The following ZNF665 variants were observed in gnomAD, a reference collection of about 807,000 sequenced individuals.
ZNF665 encodes zinc finger protein 665.
ZNF665 carries 6 observed loss-of-function variants against 7.9 expected under a neutral mutation model. The observed-to-expected ratio is 0.76, with a 90% CI of 0.42 to 1.50. The LOEUF is 1.50. Among genes scored for constraint, ZNF665 ranks in the 40% most tolerant of loss-of-function variants. The pLI, the probability that ZNF665 is intolerant of heterozygous loss-of-function variation, is 0.01. For synonymous variants in ZNF665, 242 were observed against 274.5 expected (o/e 0.88, Z 1.17); for missense variants, 819 against 806.7 (o/e 1.02, Z -0.18).
chr19:53,164,668 T>C lies in ZNF665; in HGVS notation c.1822A>G (p.Thr608Ala), dbSNP rs2090591356. 3.1e-6 allele frequency: 5 copies of C among 1,612,688 alleles called. No homozygotes were observed. The highest frequency in any genetic ancestry group is 4.2e-6 in the Non-Finnish European group (5 of 1,178,912). Residue 608 changes from threonine to alanine, a missense_variant, in exon 4 of 4, where the codon ACT becomes GCT. Physicochemically the swap from Thr to Ala is moderately conservative, Grantham distance 58 (BLOSUM62 0). Coordinates refer to ENST00000396424, the MANE Select transcript of ZNF665 (RefSeq NM_024733.5). ...YKCNECGKVF[T>A]QNSHLANHRR... Reference sequence around the variant, plus strand: ...TGATTTGCAAGATGTGAATTTTGAGTGAAGACCTTGCCACATTCATTACAT... The same window carrying C: ...TGATTTGCAAGATGTGAATTTTGAGCGAAGACCTTGCCACATTCATTACAT...
At chr19:53,167,828 G>A (rs570051569) in intron 3 of ZNF665, among the ~76,000 whole-genome samples, 16 of 148,304 alleles carry the variant, frequency 1.1e-4, no homozygotes, top group African/African-American at 3.2e-4. Flanking sequence ...AGGCCGAGGC[G>A]GGTGGATCAC....
chr19:53,184,400 G>A (rs1568666219), intron 1 of ZNF665, among the ~76,000 whole-genome samples: 1 of 152,212 alleles, frequency 6.6e-6, no homozygotes, highest in South Asian at 2.1e-4. Context: ...GAAGTACAGG[G>A]TGGCCCCCAT....
chr19:53,173,372 C>CT (rs34425717), intron 3 of ZNF665, among the ~76,000 whole-genome samples: 18,551 of 78,960 alleles, frequency 0.23, 3,383 homozygotes, highest in African/African-American at 0.43. Context: ...TTTTTTCACT[C>CT]TTTTTTTTTT....
At chr19:53,191,963 G>GT (rs754647685) in intron 1 of ZNF665, 1 of 152,064 alleles carries the variant, frequency 6.6e-6, no homozygotes, top group Non-Finnish European at 1.5e-5. Context: ...TCCTTCCTGT[G>GT]TGTTTCCCTC....
intron 1 of ZNF665, among the ~76,000 whole-genome samples, chr19:53,183,822 G>A (rs777317635): frequency 2.8e-4 from 42 of 152,150 alleles, no homozygotes; most frequent in Non-Finnish European, 5.7e-4. Flanking sequence ...TGGGGACCCC[G>A]GAAAAGGAAA....
At chr19:53,171,524 A>ATATATTTTTTTT (rs372855271) in intron 3 of ZNF665, among the ~76,000 whole-genome samples, 7 of 69,324 alleles carry the variant, frequency 1.0e-4, no homozygotes, top group East Asian at 6.5e-4. Flanking sequence ...ATATATATAT[A>ATATATTTTTTTT]TTTTTTTTTT....
At chr19:53,168,793 G>A (rs563902091) in intron 3 of ZNF665, among the ~76,000 whole-genome samples, 15 of 152,186 alleles carry the variant, frequency 9.9e-5, no homozygotes, top group Non-Finnish European at 1.3e-4. Context: ...ATAGACTCAC[G>A]TTATATAGAC....
chr19:53,175,482 G>C lies in ZNF665; in HGVS notation c.105C>G (p.Asp35Glu), dbSNP rs143559625. ...GGTTCCTATAATTCTCCAACATGAC[G>C]TCCCTGTACAAAGTCTTCTGAGCAG... ...LDPAQKTLYR[D>E]VMLENYRNLV... Residue 35 changes from aspartate to glutamate, a missense_variant, in exon 3 of 4, where the codon GAC becomes GAG. Asp to Glu is a conservative substitution (Grantham distance 45). Transcript: ENST00000396424. 2 of 1,612,578 alleles carry C rather than the reference G, an allele frequency of 1.2e-6. No homozygotes were observed. The highest frequency in any genetic ancestry group is 1.7e-5 in the Admixed American group (1 of 59,578).
chr19:53,171,524 A>ATTTT (rs1215685651), intron 3 of ZNF665, among the ~76,000 whole-genome samples: 111 of 69,324 alleles, frequency 1.6e-3, no homozygotes, highest in African/African-American at 2.1e-3. Flanking sequence ...ATATATATAT[A>ATTTT]TTTTTTTTTT....
At chr19:53,167,951 G>A (rs575206146) in intron 3 of ZNF665, among the ~76,000 whole-genome samples, 1 of 147,548 alleles carries the variant, frequency 6.8e-6, no homozygotes, top group African/African-American at 2.5e-5. Context: ...AGCTACTCGG[G>A]AGGCTGAGGC....
chr19:53,185,666 C>A (rs1353927213), intron 1 of ZNF665, among the ~76,000 whole-genome samples: 10 of 152,014 alleles, frequency 6.6e-5, no homozygotes, highest in Non-Finnish European at 1.5e-4. Context: ...AGGGAGTAAG[C>A]CGTGCATAGT....
At chr19:53,175,151 T>G (rs1182794043) in intron 3 of ZNF665, among the ~76,000 whole-genome samples, 4 of 152,042 alleles carry the variant, frequency 2.6e-5, no homozygotes, top group Non-Finnish European at 5.9e-5. Context: ...CTAGCTTTCT[T>G]CCATGAACCA....
chr19:53,174,894 G>T (rs994341719), intron 3 of ZNF665, among the ~76,000 whole-genome samples: 14 of 147,728 alleles, frequency 9.5e-5, no homozygotes, highest in African/African-American at 3.5e-4. Flanking sequence ...GCAGTGATCC[G>T]AGATCGTGCC....
chr19:53,189,792 C>T (rs9630863), intron 1 of ZNF665, among the ~76,000 whole-genome samples: 61,011 of 149,520 alleles, frequency 0.41, 12,959 homozygotes, highest in South Asian at 0.48. Context: ...AGACTCCCTT[C>T]CCCAGTCTGC....
intron 2 of ZNF665, 69 bp from the exon 3 acceptor site, chr19:53,175,640 A>G (rs1032780683): frequency 4.4e-5 from 67 of 1,529,412 alleles, no homozygotes; most frequent in Admixed American, 1.0e-4. Context: ...AAACAAGAAG[A>G]GGAGAGAGCT....
At chr19:53,171,522 A>ATTTTT (rs1271373888) in intron 3 of ZNF665, among the ~76,000 whole-genome samples, 14 of 75,382 alleles carry the variant, frequency 1.9e-4, no homozygotes, top group African/African-American at 4.8e-4. Flanking sequence ...ATATATATAT[A>ATTTTT]TATTTTTTTT....
chr19:53,169,537 T>C (rs1171328144), intron 3 of ZNF665, among the ~76,000 whole-genome samples: 1 of 152,162 alleles, frequency 6.6e-6, no homozygotes, highest in Non-Finnish European at 1.5e-5. Flanking sequence ...TCTTTTTTTA[T>C]TATTATTACT....
chr19:53,177,025 C>T (rs892762388), intron 2 of ZNF665, among the ~76,000 whole-genome samples: 1 of 151,994 alleles, frequency 6.6e-6, no homozygotes, highest in Non-Finnish European at 1.5e-5. Flanking sequence ...AAGCTGAAGC[C>T]GGAGAATCAT....
chr19:53,164,613 T>G lies in ZNF665; in HGVS notation c.1877A>C (p.Tyr626Ser), dbSNP rs770887886. 1.2e-6 allele frequency: 2 copies of G among 1,614,180 alleles called. No individual in the cohort carries two copies. Among genetic ancestry groups the G allele is most frequent in the South Asian group, 2.2e-5 (2 of 91,076 alleles). ...HRRIHTGEKP[Y>S]RCNECGKAFS... ...GGCTTTCCCACACTCATTACACCTA[T>G]AAGGTTTTTCTCCAGTGTGAATTCT... is the stretch of plus-strand genomic sequence containing the variant. The change falls in exon 4 of 4, where the codon TAT (tyrosine) becomes TCT (serine). Residue 626 changes from tyrosine (Y) to serine (S), a missense_variant. Physicochemically the swap from Tyr to Ser is moderately radical, Grantham distance 144. Coordinates refer to ENST00000396424, the MANE Select transcript of ZNF665 (RefSeq NM_024733.5).
Sources: allele counts gnomAD v4.1 joint callset (sites outside exome capture counted in the v4.1 genomes callset), GRCh38; gene constraint gnomAD v4.1.1; transcripts MANE v1.5; gene names NCBI Gene and HGNC (gene_info 2026-07-23, HGNC 2026-07-21).